The following ZNF16 variants were observed in gnomAD, a reference collection of about 807,000 sequenced individuals.
ZNF16 encodes zinc finger protein KOX9.
In ZNF16, 7 loss-of-function variants were observed where a neutral mutation model predicts 9.0. The ratio of observed to expected loss-of-function variants is 0.78; its 90% CI spans 0.44 to 1.47. The LOEUF (loss-of-function observed/expected upper bound fraction) is 1.47. Ranked by LOEUF, ZNF16 falls within the 40% of genes most tolerant of loss-of-function variation. The pLI is 0.01. For missense variants in ZNF16, 830 were observed against 854.2 expected, an observed-to-expected ratio of 0.97 and a Z score of 0.35; for synonymous variants, 312 against 301.5, an observed-to-expected ratio of 1.03 and a Z score of -0.36.
Position 144,930,782 on chromosome 8 carries a change from G to A in ZNF16, c.2005C>T (p.Arg669Ter), listed in dbSNP as rs200661804. The change falls in exon 3 of 3, where the codon CGA becomes TGA. Residue 669 changes from arginine to a stop codon, truncating the protein, a stop_gained. Coordinates refer to ENST00000394909, the MANE Select transcript of ZNF16 (RefSeq NM_006958.3). LOFTEE classifies it high-confidence loss of function. Reference protein sequence around the residue: ...CAACGKAFSQRSKLIKHQLIH... With the variant: ...CAACGKAFSQ ...AACTGGTGTTTGATCAACTTTGATC[G>A]CTGGCTGAAGGCTTTCCCACAAGCA... 7 of 1,542,066 alleles carry A rather than the reference G, an allele frequency of 4.5e-6. No individual in the cohort carries two copies. The highest frequency in any genetic ancestry group is 1.3e-5 in the South Asian group (1 of 77,668).
intron 1 of ZNF16, among the ~76,000 whole-genome samples, chr8:144,948,956 A>G (rs1834025715): frequency 6.6e-6 from 1 of 152,224 alleles, no homozygotes; most frequent in African/African-American, 2.4e-5. Context: ...GAGCCCTTAA[A>G]AGCCTGAGAA....
intron 2 of ZNF16, chr8:144,944,781 C>A (rs1463902916): frequency 6.6e-6 from 1 of 152,182 alleles, no homozygotes; most frequent in African/African-American, 2.4e-5. Flanking sequence ...GTCACATGTT[C>A]ATTTAGTGAC....
At chr8:144,938,259 CT>C (rs1464569100) in intron 2 of ZNF16, among the ~76,000 whole-genome samples, 1 of 152,176 alleles carries the variant, frequency 6.6e-6, no homozygotes, top group Admixed American at 6.5e-5. Flanking sequence ...CTCTTTGTAA[CT>C]TCATATGAAT....
chr8:144,942,008 C>T lies in ZNF16; in HGVS notation c.196+4003G>A, dbSNP rs866950925. ...TTTTTTTTTTTTTGAGAGGGAGTCT[C>T]GCTCTGTCTCCCAGGCTGGAGTGCA... On this transcript the variant is annotated intron_variant, in intron 2 of 2. Transcript: ENST00000394909. 2.4e-4 allele frequency among the ~76,000 whole-genome samples: 33 copies of T among 137,714 alleles called. 1 individual carries two copies. The highest frequency in any genetic ancestry group is 5.3e-4 in the Admixed American group (7 of 13,134). 90.3% of individuals were successfully genotyped at this position (137,714 alleles called of 152,430 possible). A position where few individuals can be genotyped will look rare whatever the true frequency, so the allele number is the denominator to read the frequency against.
chr8:144,931,382 C>T lies in ZNF16; in HGVS notation c.1405G>A (p.Ala469Thr), dbSNP rs1833534120. Residue 469 changes from alanine (A) to threonine (T), a missense_variant, in exon 3 of 3, where the codon GCC (alanine) becomes ACC (threonine). Physicochemically the swap from Ala to Thr is moderately conservative, Grantham distance 58 (BLOSUM62 0). Transcript: ENST00000394909. The stretch of plus-strand genomic sequence containing the variant: ...CGGAGCACTGAGCTATAACTAAAGG[C>T]TTTTCCACATACATTACACACGTGA... ...KPHVCNVCGKAFSYSSVLRKH... is the reference protein window; with the variant it reads ...KPHVCNVCGKTFSYSSVLRKH... The T allele has an allele frequency of 6.2e-7, 1 of 1,614,184 alleles. No homozygotes were observed. The highest frequency in any genetic ancestry group is 8.5e-7 in the Non-Finnish European group (1 of 1,180,044).
Position 144,931,202 on chromosome 8 carries a change from T to C in ZNF16, c.1585A>G (p.Ser529Gly). 1 of 1,613,528 alleles carries C rather than the reference T, an allele frequency of 6.2e-7. No homozygotes were observed. Among genetic ancestry groups the C allele is most frequent in the Non-Finnish European group, 8.5e-7 (1 of 1,179,876 alleles). ...CGCTGGTGAAGGATGAGGTTGGAGC[T>C]GCGACCAAAGGTCTTCCCACACTCG... Reference protein sequence around the residue: ...CHECGKTFGRSSNLILHQRVH... With the variant: ...CHECGKTFGRGSNLILHQRVH... Residue 529 changes from serine to glycine, a missense_variant, in exon 3 of 3, where the codon AGC becomes GGC. Physicochemically the swap from Ser to Gly is moderately conservative, Grantham distance 56. Coordinates refer to ENST00000394909, the MANE Select transcript of ZNF16 (RefSeq NM_006958.3).
rs1554659152 is a variant in ZNF16 at position 144,937,137 on chromosome 8, C to CTTT, written c.197-4548_197-4547insAAA. Among the ~76,000 whole-genome samples the CTTT allele has an allele frequency of 1.7e-4, 19 of 112,986 alleles. 2 individuals are homozygous for CTTT. The highest frequency in any genetic ancestry group is 2.8e-4 in the East Asian group (1 of 3,530). The allele number at this position is 112,986 out of a possible 152,430, so 74.1% of individuals were successfully genotyped here. A position where few individuals can be genotyped will look rare whatever the true frequency, so the allele number is the denominator to read the frequency against. On this transcript the variant is annotated intron_variant, in intron 2 of 2. Coordinates refer to ENST00000394909, the MANE Select transcript of ZNF16 (RefSeq NM_006958.3). ...GCAGGATGCTTTTTTCACTTTCTTT[C>CTTT]TCTCTCTTTTTTTTTTTTTTTTTTT...
chr8:144,939,969 T>G (rs754320693), intron 2 of ZNF16, among the ~76,000 whole-genome samples: 10 of 152,234 alleles, frequency 6.6e-5, no homozygotes, highest in Non-Finnish European at 1.5e-4. Context: ...CTATTTCATT[T>G]AACACTGTTC....
At chr8:144,934,234 T>G (rs958047896) in intron 2 of ZNF16, among the ~76,000 whole-genome samples, 1 of 152,196 alleles carries the variant, frequency 6.6e-6, no homozygotes, top group Non-Finnish European at 1.5e-5. Context: ...CACTTCATGT[T>G]GGGTCACTGG....
chr8:144,941,171 T>C (rs1833788539), intron 2 of ZNF16, among the ~76,000 whole-genome samples: 2 of 152,352 alleles, frequency 1.3e-5, no homozygotes, highest in African/African-American at 4.8e-5. Context: ...AGTGGAGTAC[T>C]GAAGTCTCTA....
chr8:144,934,422 T>C lies in ZNF16; in HGVS notation c.197-1832A>G, dbSNP rs574725936. On this transcript the variant is annotated intron_variant, in intron 2 of 2. Coordinates refer to ENST00000394909, the MANE Select transcript of ZNF16 (RefSeq NM_006958.3). ...CCCTGCTGCCCTTTGGCAGGCCTGC[T>C]GTTATACACTCCACATGGGCTGCAG... is the stretch of plus-strand genomic sequence containing the variant. Among the ~76,000 whole-genome samples, 59 of 152,384 alleles carry C rather than the reference T, an allele frequency of 3.9e-4. 1 individual carries two copies. The highest frequency in any genetic ancestry group is 2.1e-3 in the Admixed American group (32 of 15,310).
At chr8:144,944,234 C>T (rs914255476) in intron 2 of ZNF16, 3 of 152,086 alleles carry the variant, frequency 2.0e-5, no homozygotes, top group African/African-American at 7.2e-5. Flanking sequence ...CCATGCCCAG[C>T]TAATTTTTTG....
intron 2 of ZNF16, among the ~76,000 whole-genome samples, chr8:144,943,160 T>G (rs548949044): frequency 6.6e-6 from 1 of 152,344 alleles, no homozygotes; most frequent in African/African-American, 2.4e-5. Flanking sequence ...CTTAGCAGTT[T>G]AACTAAGCCG....
Position 144,930,667 on chromosome 8 carries a change from G to T in ZNF16, c.*71C>A. On this transcript the variant is annotated 3_prime_UTR_variant, in exon 3 of 3. Transcript: ENST00000394909. ...GGCTTTCGGTCTGGGAAGTGGCAGA[G>T]GCTGAGACAATGGCCAAAGAGGAGT... The T allele has an allele frequency of 6.7e-7, 1 of 1,493,028 alleles. No individual in the cohort carries two copies. The allele number at this position is 1,493,028 out of a possible 1,614,324, so 92.5% of individuals were successfully genotyped here.
At position 144,932,080 on chromosome 8, in the gene ZNF16, G is replaced by A. The variant is rs775602270; in HGVS notation, c.707C>T (p.Ser236Phe). The change falls in exon 3 of 3, where the codon TCC becomes TTC. Residue 236 changes from serine to phenylalanine, a missense_variant. Ser to Phe is a radical substitution (Grantham distance 155, BLOSUM62 -2). Coordinates refer to ENST00000394909, the MANE Select transcript of ZNF16 (RefSeq NM_006958.3). The surrounding 1 kb of genome is among the most constrained non-coding windows in gnomAD (Gnocchi z 5.0). ...TTTCCCACAATCATCACACATAAAG[G>A]AAGCCTCCCCAGTGTGGACTATTTG... is the stretch of plus-strand genomic sequence containing the variant. Reference protein sequence around the residue: ...QRQIVHTGEASFMCDDCGKTF... With the variant: ...QRQIVHTGEAFFMCDDCGKTF... 4.3e-6 allele frequency: 7 copies of A among 1,613,992 alleles called. No homozygotes were observed. In the Admixed American group the frequency reaches 1.0e-4, roughly 23 times the overall value.
Position 144,932,241 on chromosome 8 carries a change from T to G in ZNF16, c.546A>C (p.Pro182=). 6.2e-7 allele frequency: 1 copy of G among 1,614,198 alleles called. No individual in the cohort carries two copies. Among genetic ancestry groups the G allele is most frequent in the East Asian group, 2.2e-5 (1 of 44,874 alleles). ...GGAAACTCTGGCCACCCATGTCATA[T>G]GGATGTGGCCTCTCTTCTGTAGGGA... The part of the protein sequence containing the change: ...QEIPTEERPH[P]YDMGGQSFQH... The change falls in exon 3 of 3, where the codon CCA becomes CCC. Residue 182 remains proline, a synonymous_variant. Coordinates refer to ENST00000394909, the MANE Select transcript of ZNF16 (RefSeq NM_006958.3). This position sits in a 1 kb window ranked among gnomAD's most constrained non-coding sequence, Gnocchi z 5.0.
intron 2 of ZNF16, among the ~76,000 whole-genome samples, chr8:144,936,716 C>CTTAT (rs61163374): frequency 0.018 from 2,733 of 151,138 alleles, 23 homozygotes; most frequent in African/African-American, 0.03. Context: ...TTCTTTGCCC[C>CTTAT]TTATTTATTT....
chr8:144,941,976 ATTTT>A (rs1000299480), intron 2 of ZNF16, among the ~76,000 whole-genome samples: 6 of 92,048 alleles, frequency 6.5e-5, no homozygotes, highest in Non-Finnish European at 1.1e-4. Flanking sequence ...CATTTTTAAG[ATTTT>A]TTTTTTTTTT....
intron 1 of ZNF16, among the ~76,000 whole-genome samples, chr8:144,946,788 T>C (rs2130057979): frequency 2.4e-5 from 2 of 84,268 alleles, no homozygotes; most frequent in Middle Eastern, 0.011. Context: ...TGTCCTGCTG[T>C]GGGCCTGTGT....
Sources: gnomAD v4.1 joint callset for allele counts (sites outside exome capture counted in the v4.1 genomes callset) on GRCh38, gnomAD v4.1.1 for gene constraint, Gnocchi (gnomAD v3.1) non-coding constraint, MANE v1.5 for transcripts, NCBI Gene and HGNC (gene_info 2026-07-23, HGNC 2026-07-21) for gene names.